PCDHGB4: variants seen among roughly 807,000 people sequenced by gnomAD.
PCDHGB4 encodes the protein protocadherin gamma-B4.
PCDHGB4 carries 38 observed loss-of-function variants against 60.5 expected under a neutral mutation model. The ratio of observed to expected loss-of-function variants is 0.63; its 90% confidence interval spans 0.48 to 0.82. The LOEUF is 0.82. Ranked by LOEUF, PCDHGB4 falls within the 40% of genes least tolerant of loss-of-function variation. The pLI, the probability that PCDHGB4 is intolerant of heterozygous loss-of-function variation, is 0.00. For missense variants in PCDHGB4, 1,109 were observed against 1,209.6 expected, an observed-to-expected ratio of 0.92 and a Z score of 1.23; for synonymous variants, 456 against 509.7, an observed-to-expected ratio of 0.89 and a Z score of 1.42.
rs1460703461 is a variant in PCDHGB4 at position 141,490,596 on chromosome 5, C to G, written c.2398-4211C>G. 2.5e-6 allele frequency: 4 copies of G among 1,614,052 alleles called. No homozygotes were observed. The African/African-American group carries it at 4.0e-5, about 16-fold the overall frequency. On this transcript the variant is annotated intron_variant, in intron 1 of 3. Transcript: ENST00000519479. The surrounding 1 kb of genome is among the most constrained non-coding windows in gnomAD (Gnocchi z 5.4). Reference sequence around the variant, plus strand: ...TTTCAGATGTCAATGACAATGCACCCCGCTTCAACCAGCAGCTTTACACTG... The same window carrying G: ...TTTCAGATGTCAATGACAATGCACCGCGCTTCAACCAGCAGCTTTACACTG...
intron 2 of PCDHGB4, among the ~76,000 whole-genome samples, chr5:141,503,010 A>ATT (rs199924715): frequency 4.8e-5 from 7 of 146,772 alleles, no homozygotes; most frequent in East Asian, 2.0e-4. Context: ...TGCCCGGTTA[A>ATT]TTTTTTTTTT....
At chr5:141,419,431 G>A in intron 1 of PCDHGB4, 2 of 1,613,306 alleles carry the variant, frequency 1.2e-6, no homozygotes. Context: ...ACCACGAGCA[G>A]CTGCGCACCT....
In PCDHGB4 at chr5:141,490,801, A is replaced by G; in HGVS notation, c.2398-4006A>G. On this transcript the variant is annotated intron_variant, in intron 1 of 3. Transcript: ENST00000519479. The surrounding 1 kb of genome is among the most constrained non-coding windows in gnomAD (Gnocchi z 5.4). ...GGATGGACGGATCTTTGCCCAGCGT[A>G]CCTTTGACTATGAATTGCTGCAGAT... The G allele has an allele frequency of 6.2e-7, 1 of 1,613,854 alleles. No homozygotes were observed. Among genetic ancestry groups the G allele is most frequent in the African/African-American group, 1.3e-5 (1 of 75,042 alleles).
chr5:141,437,794 G>C (rs1162440523), intron 1 of PCDHGB4, among the ~76,000 whole-genome samples: 1 of 150,526 alleles, frequency 6.6e-6, no homozygotes, highest in Non-Finnish European at 1.5e-5. Context: ...CTGGAGTGCA[G>C]TGGCACTATC....
intron 1 of PCDHGB4, among the ~76,000 whole-genome samples, chr5:141,443,521 T>A (rs2098392520): frequency 6.6e-6 from 1 of 152,156 alleles, no homozygotes; most frequent in Admixed American, 6.6e-5. Context: ...TCTCTCCTTA[T>A]GACTTATTTA....
At chr5:141,505,302 G>A (rs1733345360) in intron 2 of PCDHGB4, 91 bp from the exon 3 acceptor site, 1 of 1,592,596 alleles carries the variant, frequency 6.3e-7, no homozygotes, top group Admixed American at 1.7e-5. Flanking sequence ...TAGGGTTAGG[G>A]TACTAGGTTT....
intron 1 of PCDHGB4, chr5:141,407,965 G>A (rs2095011875): frequency 4.4e-6 from 3 of 688,096 alleles, no homozygotes; most frequent in Non-Finnish European, 6.9e-6. Flanking sequence ...CAGAGCAAGC[G>A]CTGACGCCGG....
At chr5:141,423,360 G>A (rs762976655) in intron 1 of PCDHGB4, 1 of 1,614,224 alleles carries the variant, frequency 6.2e-7, no homozygotes, top group Non-Finnish European at 8.5e-7. Context: ...TTGTCATCGT[G>A]CTGCTGGCAC....
chr5:141,399,589 A>G (rs1460754588), intron 1 of PCDHGB4: 6 of 1,613,866 alleles, frequency 3.7e-6, no homozygotes, highest in Non-Finnish European at 3.4e-6. Context: ...CTACTCTATC[A>G]TGGCCAGCGA....
chr5:141,463,382 T>C (rs2099057893), intron 1 of PCDHGB4, among the ~76,000 whole-genome samples: 1 of 151,594 alleles, frequency 6.6e-6, no homozygotes, highest in Admixed American at 6.6e-5. Context: ...AGTCTGAAAG[T>C]TGTCTCCAGG....
chr5:141,420,507 A>G (rs548077936), intron 1 of PCDHGB4: 1 of 428,282 alleles, frequency 2.3e-6, no homozygotes, highest in African/African-American at 2.0e-5. Context: ...TGACATTTTT[A>G]TGAAGTAAAA....
In PCDHGB4 at chr5:141,389,032, A is replaced by C; in HGVS notation, c.1148A>C (p.Lys383Thr). ...AGACACAATGGAGAAGTGACTTGTA[A>C]ATTGGAAGGTGATGTTCCATTTAAA... is the stretch of plus-strand genomic sequence containing the variant. ...DSRHNGEVTC[K>T]LEGDVPFKIL... The change falls in exon 1 of 4, where the codon AAA (lysine) becomes ACA (threonine). Residue 383 changes from lysine (K) to threonine (T), a missense_variant. Coordinates refer to ENST00000519479, the MANE Select transcript of PCDHGB4 (RefSeq NM_003736.4). 1 of 1,613,974 alleles carries C rather than the reference A, an allele frequency of 6.2e-7. No individual in the cohort carries two copies. Among genetic ancestry groups the C allele is most frequent in the Non-Finnish European group, 8.5e-7 (1 of 1,179,858 alleles).
intron 1 of PCDHGB4, chr5:141,430,816 C>G: frequency 6.5e-7 from 1 of 1,538,128 alleles, no homozygotes. Context: ...TGGGAATCCT[C>G]CTGGGGACTC....
intron 1 of PCDHGB4, chr5:141,410,134 C>G (rs573769764): frequency 6.2e-7 from 1 of 1,612,766 alleles, no homozygotes; most frequent in Admixed American, 1.7e-5. Context: ...GCCTGCTGGT[C>G]GCTGTGCGTG....
At position 141,493,188 on chromosome 5, in the gene PCDHGB4, C is replaced by T. The variant is rs1292810486; in HGVS notation, c.2398-1619C>T. Among the ~76,000 whole-genome samples the T allele has an allele frequency of 2.6e-5, 4 of 152,216 alleles. No individual in the cohort carries two copies. Among genetic ancestry groups the T allele is most frequent in the Non-Finnish European group, 4.4e-5 (3 of 68,046 alleles). ...ATTGAGAGAAACTTACTATATAACT[C>T]CTTTGAGAACCTCATCTCATTTGCT... On this transcript the variant is annotated intron_variant, in intron 1 of 3. Coordinates refer to ENST00000519479, the MANE Select transcript of PCDHGB4 (RefSeq NM_003736.4). The surrounding 1 kb of genome is among the most constrained non-coding windows in gnomAD (Gnocchi z 4.3).
rs753538822 is a variant in PCDHGB4, at chr5:141,476,676, G to C, written c.2398-18131G>C. 6 of 1,614,222 alleles carry C rather than the reference G, an allele frequency of 3.7e-6. No individual in the cohort carries two copies. Among genetic ancestry groups the C allele is most frequent in the Non-Finnish European group, 4.2e-6 (5 of 1,180,054 alleles). ...TACTTTGCGCTTCGCGTGCAGACGCGGGAGGACAGCACCAAGTACGCGGAG... is the reference window on the plus strand; with the variant it reads ...TACTTTGCGCTTCGCGTGCAGACGCCGGAGGACAGCACCAAGTACGCGGAG... On this transcript the variant is annotated intron_variant, in intron 1 of 3. Transcript: ENST00000519479. The surrounding 1 kb of genome is among the most constrained non-coding windows in gnomAD (Gnocchi z 7.6).
intron 1 of PCDHGB4, among the ~76,000 whole-genome samples, chr5:141,470,528 G>A (rs1446688992): frequency 6.6e-6 from 1 of 152,140 alleles, no homozygotes; most frequent in East Asian, 1.9e-4. Context: ...ATTAAAATAT[G>A]TATCAGGTAA....
At position 141,389,977 on chromosome 5, in the gene PCDHGB4, C is replaced by T; in HGVS notation, c.2093C>T (p.Ser698Leu). The change falls in exon 1 of 4, where the codon TCA (serine) becomes TTA (leucine). Residue 698 changes from serine to leucine, a missense_variant. Transcript: ENST00000519479. ...CTAGTGGTGGCCTTGGCCTTGATCT[C>T]AGTGCTCTTCCTCGTGGCCATGATT... The part of the protein sequence containing the change: ...FYLVVALALI[S>L]VLFLVAMILA... The T allele has an allele frequency of 6.2e-7, 1 of 1,614,054 alleles. No homozygotes were observed. The highest frequency in any genetic ancestry group is 1.1e-5 in the South Asian group (1 of 91,084).
rs2091613113 is a variant in PCDHGB4, at chr5:141,389,122, A to G, written c.1238A>G (p.Asn413Ser). 6.2e-7 allele frequency: 1 copy of G among 1,613,914 alleles called. No individual in the cohort carries two copies. Among genetic ancestry groups the G allele is most frequent in the Admixed American group, 1.7e-5 (1 of 60,018 alleles). ...VTDAVLDREQNPEYNITVTAT... is the reference protein window; with the variant it reads ...VTDAVLDREQSPEYNITVTAT... ...GATGCTGTTCTAGACCGCGAGCAGA[A>G]TCCAGAGTACAATATAACCGTTACG... is the stretch of plus-strand genomic sequence containing the variant. The change falls in exon 1 of 4, where the codon AAT becomes AGT. Residue 413 changes from asparagine (N) to serine (S), a missense_variant. Asn to Ser is a conservative substitution (Grantham distance 46). This residue lies in a region of PCDHGB4 where 1,068 missense variants were observed against 1,089.9 expected (regional missense o/e 0.98). Coordinates refer to ENST00000519479, the MANE Select transcript of PCDHGB4 (RefSeq NM_003736.4).
Sources: gnomAD v4.1 joint callset for allele counts (sites outside exome capture counted in the v4.1 genomes callset) on GRCh38, gnomAD v4.1.1 for gene constraint, gnomAD v4.1.1 regional missense constraint, Gnocchi (gnomAD v3.1) non-coding constraint, MANE v1.5 for transcripts, NCBI Gene and HGNC (gene_info 2026-07-23, HGNC 2026-07-21) for gene names.